Variants in EXT1 observed in about 807,000 individuals in gnomAD.
The protein encoded by EXT1 is exostosin-1.
EXT1 carries 20 observed loss-of-function variants against 82.5 expected under a neutral mutation model. That is an observed-to-expected ratio of 0.24 (90% confidence interval 0.17 to 0.35). EXT1 has a LOEUF of 0.35. Among genes scored for constraint, EXT1 ranks in the 10% least tolerant of loss-of-function variants. EXT1 has a pLI of 1.00. For missense variants in EXT1, 757 were observed against 936.5 expected, an observed-to-expected ratio of 0.81 and a Z score of 2.50; for synonymous variants, 348 against 350.8, an observed-to-expected ratio of 0.99 and a Z score of 0.09.
At chr8:117,919,338 C>T (rs975806455) in intron 1 of EXT1, among the ~76,000 whole-genome samples, 1 of 150,942 alleles carries the variant, frequency 6.6e-6, no homozygotes, top group South Asian at 2.1e-4. Flanking sequence ...GGCATTACAC[C>T]ACCACACCAG....
chr8:117,946,328 CT>C (rs1440458101), intron 1 of EXT1, among the ~76,000 whole-genome samples: 2 of 152,164 alleles, frequency 1.3e-5, no homozygotes, highest in Non-Finnish European at 2.9e-5. Context: ...CAGTTTTCCC[CT>C]TGGCATAAAG....
Position 117,797,968 on chromosome 8 carries a change from C to A in EXT1, c.*1744G>T, listed in dbSNP as rs1823108267. ...ACACCATCTGGATATGTGGGCTCTA[C>A]TCCTTGTTCTGCAGCTAGGTAGCCT... On this transcript the variant is annotated 3_prime_UTR_variant, in exon 11 of 11. Coordinates refer to ENST00000378204, the MANE Select transcript of EXT1 (RefSeq NM_000127.3). 1.3e-5 allele frequency: 2 copies of A among 152,222 alleles called. No homozygotes were observed. Among genetic ancestry groups the A allele is most frequent in the African/African-American group, 4.8e-5 (2 of 41,444 alleles). The allele number at this position is 152,222 out of a possible 1,614,324, so 9.4% of individuals were successfully genotyped here.
At chr8:117,884,536 G>A (rs1458682482) in intron 1 of EXT1, among the ~76,000 whole-genome samples, 2 of 152,090 alleles carry the variant, frequency 1.3e-5, no homozygotes, top group East Asian at 1.9e-4. Context: ...CAGTAAACAC[G>A]CACAGCAAAT....
intron 4 of EXT1, among the ~76,000 whole-genome samples, chr8:117,828,981 A>C (rs1812052476): frequency 6.6e-6 from 1 of 152,118 alleles, no homozygotes; most frequent in Admixed American, 6.5e-5. Context: ...AAGTAGGGTG[A>C]CTTCAGTTTC....
intron 4 of EXT1, among the ~76,000 whole-genome samples, chr8:117,824,664 G>T (rs1811980732): frequency 6.6e-6 from 1 of 152,078 alleles, no homozygotes; most frequent in Non-Finnish European, 1.5e-5. Context: ...CTAGGCATTG[G>T]TTTTTCCATT....
intron 1 of EXT1, among the ~76,000 whole-genome samples, chr8:118,033,613 G>T (rs2129884370): frequency 6.6e-6 from 1 of 152,190 alleles, no homozygotes; most frequent in African/African-American, 2.4e-5. Context: ...CAATTAGCTG[G>T]AACTACAGGT....
chr8:117,964,212 C>T (rs1413325551), intron 1 of EXT1, among the ~76,000 whole-genome samples: 1 of 152,176 alleles, frequency 6.6e-6, no homozygotes, highest in Non-Finnish European at 1.5e-5. Context: ...ACCCTCCCAG[C>T]TGATCTGAAA....
chr8:117,894,357 G>C (rs1163489094), intron 1 of EXT1, among the ~76,000 whole-genome samples: 1 of 152,066 alleles, frequency 6.6e-6, no homozygotes, highest in African/African-American at 2.4e-5. Flanking sequence ...ATACCCCTTG[G>C]AATATTTCCC....
intron 1 of EXT1, among the ~76,000 whole-genome samples, chr8:117,940,758 G>A (rs1814256413): frequency 6.6e-6 from 1 of 152,212 alleles, no homozygotes; most frequent in African/African-American, 2.4e-5. Flanking sequence ...ATCTGTCTGG[G>A]TCTTGAAGGA....
intron 1 of EXT1, among the ~76,000 whole-genome samples, chr8:118,088,325 A>G (rs996890041): frequency 6.6e-6 from 1 of 152,176 alleles, no homozygotes; most frequent in Non-Finnish European, 1.5e-5. Flanking sequence ...AATCGGGTAG[A>G]TCCCTTCTGA....
At chr8:118,042,980 G>A (rs769424186) in intron 1 of EXT1, among the ~76,000 whole-genome samples, 9 of 152,118 alleles carry the variant, frequency 5.9e-5, no homozygotes, top group South Asian at 2.1e-4. Flanking sequence ...ACTCTATGGC[G>A]CACTCTGTTT....
intron 10 of EXT1, among the ~76,000 whole-genome samples, chr8:117,801,584 C>A (rs1823167531): frequency 1.3e-5 from 2 of 152,124 alleles, no homozygotes; most frequent in Admixed American, 1.3e-4. Context: ...TGGCTCACTG[C>A]AACCTCCACC....
chr8:118,071,477 T>C (rs1457013436), intron 1 of EXT1, among the ~76,000 whole-genome samples: 1 of 141,650 alleles, frequency 7.1e-6, no homozygotes, highest in African/African-American at 2.7e-5. Context: ...GTTTGTGTAT[T>C]CCAAAGAAAG....
At chr8:118,066,536 T>A (rs985176472) in intron 1 of EXT1, among the ~76,000 whole-genome samples, 6 of 152,124 alleles carry the variant, frequency 3.9e-5, no homozygotes, top group Middle Eastern at 3.4e-3. Flanking sequence ...AGTTTTTGTA[T>A]TCTTAGTAGA....
chr8:118,063,645 T>C (rs1816924597), intron 1 of EXT1, among the ~76,000 whole-genome samples: 1 of 152,246 alleles, frequency 6.6e-6, no homozygotes, highest in Admixed American at 6.5e-5. Flanking sequence ...CATGACAAAC[T>C]AAAAATCCTC....
chr8:118,010,720 C>T (rs1310045519), intron 1 of EXT1, among the ~76,000 whole-genome samples: 3 of 152,224 alleles, frequency 2.0e-5, no homozygotes, highest in South Asian at 2.1e-4. Flanking sequence ...TCACTGGCAA[C>T]GGCACGGCCG....
chr8:118,022,881 C>A (rs1816134678), intron 1 of EXT1, among the ~76,000 whole-genome samples: 1 of 152,040 alleles, frequency 6.6e-6, no homozygotes. Context: ...AATATTTGAA[C>A]CCTGGAACAT....
At position 118,073,685 on chromosome 8, in the gene EXT1, A is replaced by AAGAGC. The variant is rs1491170733; in HGVS notation, c.962+36399_962+36400insGCTCT. On this transcript the variant is annotated intron_variant, in intron 1 of 10. Transcript: ENST00000378204. ...AAGAGAAGAGAAGAGAAGAGAAGAG[A>AAGAGC]AGAGAAGAGAAGAGAAGAGAAGCCT... 6.9e-5 allele frequency among the ~76,000 whole-genome samples: 10 copies of AAGAGC among 143,990 alleles called. No homozygotes were observed. The East Asian group carries it at 2.0e-3, about 29-fold the overall frequency. 94.5% of individuals were successfully genotyped at this position (143,990 alleles called of 152,430 possible). A position where few individuals can be genotyped will look rare whatever the true frequency, so the allele number is the denominator to read the frequency against.
intron 1 of EXT1, among the ~76,000 whole-genome samples, chr8:118,035,264 G>A (rs578110862): frequency 1.3e-5 from 2 of 152,214 alleles, no homozygotes; most frequent in East Asian, 3.9e-4. Flanking sequence ...TTGGAATTTG[G>A]AGGCTCCAAG....
Sources: gnomAD v4.1 joint callset for allele counts (sites outside exome capture counted in the v4.1 genomes callset) on GRCh38, gnomAD v4.1.1 for gene constraint, MANE v1.5 for transcripts, NCBI Gene and HGNC (gene_info 2026-07-23, HGNC 2026-07-21) for gene names.